Variants in IGF2BP3 observed in about 807,000 individuals in gnomAD.
The protein encoded by IGF2BP3 is insulin-like growth factor 2 mRNA-binding protein 3.
Under a neutral mutation model 73.8 loss-of-function variants are expected in IGF2BP3, and 9 were observed. The observed-to-expected ratio is 0.12, with a 90% CI of 0.07 to 0.21. The LOEUF (loss-of-function observed/expected upper bound fraction) is 0.21, where lower values mean the gene tolerates loss of function less well. IGF2BP3 is among the 10% of genes least tolerant of loss of function. IGF2BP3 has a pLI of 1.00. For missense variants in IGF2BP3, 542 were observed against 714.0 expected, an observed-to-expected ratio of 0.76 and a Z score of 2.75; for synonymous variants, 258 against 256.7, an observed-to-expected ratio of 1.01 and a Z score of -0.05.
chr7:23,393,911 C>T (rs1415849042), intron 3 of IGF2BP3, among the ~76,000 whole-genome samples: 1 of 152,138 alleles, frequency 6.6e-6, no homozygotes, highest in Non-Finnish European at 1.5e-5. Context: ...CAGCAGTGAC[C>T]TTCACCAATG....
At chr7:23,332,437 T>C (rs1005936312) in intron 10 of IGF2BP3, among the ~76,000 whole-genome samples, 6 of 152,234 alleles carry the variant, frequency 3.9e-5, no homozygotes, top group Non-Finnish European at 7.3e-5. Flanking sequence ...AGTATTAATA[T>C]AGCTGTTAGC....
rs535594089 is a variant in IGF2BP3, at chr7:23,319,913, C to T, written c.1204-659G>A. ...CTTATTCCTTCCATCTGTGCCTTCC[C>T]TTTGCTTTTTTTTTGAGATGGAATC... On this transcript the variant is annotated intron_variant, in intron 10 of 14. Coordinates refer to ENST00000258729, the MANE Select transcript of IGF2BP3 (RefSeq NM_006547.3). Among the ~76,000 whole-genome samples, 12 of 151,524 alleles carry T rather than the reference C, an allele frequency of 7.9e-5. No homozygotes were observed. In the East Asian group the frequency reaches 2.1e-3, roughly 27 times the overall value.
chr7:23,466,088 G>A lies in IGF2BP3; in HGVS notation c.236+2394C>T, dbSNP rs11974809. Among the ~76,000 whole-genome samples the A allele has an allele frequency of 6.1e-3, 915 of 150,956 alleles. 13 individuals are homozygous for A. The highest frequency in any genetic ancestry group is 0.021 in the African/African-American group (874 of 41,124). ...TCAGGCTGGAGTGAAGTGGCACGATGGCTCACTGCAACCTCCAGCTCCCCA... is the reference window on the plus strand; with the variant it reads ...TCAGGCTGGAGTGAAGTGGCACGATAGCTCACTGCAACCTCCAGCTCCCCA... On this transcript the variant is annotated intron_variant, in intron 2 of 14. Coordinates refer to ENST00000258729, the MANE Select transcript of IGF2BP3 (RefSeq NM_006547.3).
In IGF2BP3 at chr7:23,365,830, G is replaced by C. The variant is rs570834942; in HGVS notation, c.286-4089C>G. On this transcript the variant is annotated intron_variant, in intron 3 of 14. Coordinates refer to ENST00000258729, the MANE Select transcript of IGF2BP3 (RefSeq NM_006547.3). ...AAAGTTGTCTGGGCCAAAGGAATAA[G>C]GAACGTCCTATACCACAATCTGTGA... 1.3e-5 allele frequency: 2 copies of C among 152,676 alleles called. 1 individual carries two copies. The highest frequency in any genetic ancestry group is 3.8e-4 in the East Asian group (2 of 5,218). The allele number at this position is 152,676 out of a possible 1,614,324, so 9.5% of individuals were successfully genotyped here.
intron 12 of IGF2BP3, among the ~76,000 whole-genome samples, 159 bp downstream of exon 12, chr7:23,317,480 A>G (rs1784022769): frequency 6.6e-6 from 1 of 152,236 alleles, no homozygotes; most frequent in Non-Finnish European, 1.5e-5. Context: ...CTTTTGGTTA[A>G]TTTCGAAATA....
intron 9 of IGF2BP3, 25 bp downstream of exon 9, chr7:23,343,680 TGTTAAAATAAAGA>T (rs760909353): frequency 6.5e-7 from 1 of 1,547,576 alleles, no homozygotes; most frequent in Non-Finnish European, 8.9e-7. Flanking sequence ...TTTAACTATT[TGTTAAAATAAAGA>T]CATGCCCTTC....
intron 3 of IGF2BP3, among the ~76,000 whole-genome samples, chr7:23,403,962 C>T (rs925635598): frequency 1.4e-5 from 2 of 142,480 alleles, no homozygotes; most frequent in Non-Finnish European, 3.1e-5. Flanking sequence ...GTTTGTAAAA[C>T]AAAAAAAAAA....
intron 5 of IGF2BP3, among the ~76,000 whole-genome samples, chr7:23,353,638 T>C (rs1043535686): frequency 6.6e-6 from 1 of 152,230 alleles, no homozygotes; most frequent in East Asian, 1.9e-4. Context: ...AAAAGCATAA[T>C]TGGGGTTGTG....
rs1029121135 is a variant in IGF2BP3 at position 23,351,580 on chromosome 7, T to C, written c.408A>G (p.Leu136=). ...YSSKDQARQA[L]DKLNGFQLEN... is the part of the protein sequence containing the mutation. ...CTAACTGAAATCCATTCAGTTTGTC[T>C]AGTGCTCTGAAAGTTGAAAAGGGGC... is the stretch of plus-strand genomic sequence containing the variant. Residue 136 remains leucine (L), a synonymous_variant, in exon 6 of 15, where the codon CTA becomes CTG. Coordinates refer to ENST00000258729, the MANE Select transcript of IGF2BP3 (RefSeq NM_006547.3). 6.2e-7 allele frequency: 1 copy of C among 1,613,996 alleles called. No individual in the cohort carries two copies. The highest frequency in any genetic ancestry group is 1.1e-5 in the South Asian group (1 of 91,074).
At chr7:23,376,432 G>C (rs1361011176) in intron 3 of IGF2BP3, among the ~76,000 whole-genome samples, 1 of 151,676 alleles carries the variant, frequency 6.6e-6, no homozygotes, top group Non-Finnish European at 1.5e-5. Context: ...CTACTCGGGT[G>C]GCTGAGGCAG....
intron 10 of IGF2BP3, among the ~76,000 whole-genome samples, chr7:23,338,192 GT>G (rs1377990290): frequency 1.3e-5 from 2 of 151,760 alleles, no homozygotes; most frequent in East Asian, 1.9e-4. Context: ...AAAGAGGTGA[GT>G]TTTTTTTCAC....
rs115961873 is a variant in IGF2BP3 at position 23,396,018 on chromosome 7, C to G, written c.285+22758G>C. 8.4e-3 allele frequency among the ~76,000 whole-genome samples: 1,252 copies of G among 148,870 alleles called. 17 individuals carry two copies. The highest frequency in any genetic ancestry group is 0.029 in the African/African-American group (1,178 of 40,548). ...TCTTATACCCATCCCCCTACCCCAC[C>G]CCTACACAAAAAAATCCAGTGAGTT... On this transcript the variant is annotated intron_variant, in intron 3 of 14. Transcript: ENST00000258729.
At position 23,313,445 on chromosome 7, in the gene IGF2BP3, C is replaced by A. The variant is rs896835420; in HGVS notation, c.1527+77G>T. On this transcript the variant is annotated intron_variant, in intron 13 of 14. Coordinates refer to ENST00000258729, the MANE Select transcript of IGF2BP3 (RefSeq NM_006547.3). ...TGCTTTTTATAAATTAGCCAAAATTCGGGGACTTGGAACTCCTAAGTACCT... is the reference window on the plus strand; with the variant it reads ...TGCTTTTTATAAATTAGCCAAAATTAGGGGACTTGGAACTCCTAAGTACCT... 4.0e-6 allele frequency: 6 copies of A among 1,494,900 alleles called. No homozygotes were observed. In the Admixed American group the frequency reaches 8.7e-5, roughly 22 times the overall value. 92.6% of individuals were successfully genotyped at this position (1,494,900 alleles called of 1,614,324 possible).
chr7:23,440,196 G>A (rs1016458272), intron 2 of IGF2BP3, among the ~76,000 whole-genome samples: 8 of 152,132 alleles, frequency 5.3e-5, no homozygotes, highest in Non-Finnish European at 1.0e-4. Flanking sequence ...CCAGGAGGCA[G>A]AGGTTGCAGT....
Position 23,361,730 on chromosome 7 carries a change from A to G in IGF2BP3, c.297T>C (p.Ser99=). 6.2e-7 allele frequency: 1 copy of G among 1,611,224 alleles called. No homozygotes were observed. Residue 99 remains serine, a synonymous_variant, in exon 4 of 15, where the codon AGT becomes AGC. Coordinates refer to ENST00000258729, the MANE Select transcript of IGF2BP3 (RefSeq NM_006547.3). ...PPHLQWEVLD[S]LLVQYGVVES... is the part of the protein sequence containing the mutation. ...CCACCACTCCATACTGGACTAGTAA[A>G]CTATCCAGCACCTATCAGGAGGGGG...
At chr7:23,419,333 A>G (rs1486234026) in intron 2 of IGF2BP3, among the ~76,000 whole-genome samples, 5 of 152,248 alleles carry the variant, frequency 3.3e-5, no homozygotes, top group Non-Finnish European at 7.3e-5. Flanking sequence ...TAAACCACAG[A>G]ATTACAGTAC....
chr7:23,413,906 A>G (rs1787107867), intron 3 of IGF2BP3: 1 of 152,268 alleles, frequency 6.6e-6, no homozygotes, highest in East Asian at 1.9e-4. Flanking sequence ...TAATCCCAGC[A>G]CTGTGGGAGG....
chr7:23,363,439 G>C (rs916155321), intron 3 of IGF2BP3, among the ~76,000 whole-genome samples: 7 of 151,988 alleles, frequency 4.6e-5, no homozygotes, highest in Non-Finnish European at 8.8e-5. Flanking sequence ...AGAGATGAGG[G>C]TCTCGGTATG....
At chr7:23,466,253 C>T (rs979284079) in intron 2 of IGF2BP3, among the ~76,000 whole-genome samples, 5 of 152,118 alleles carry the variant, frequency 3.3e-5, no homozygotes, top group Non-Finnish European at 7.4e-5. Context: ...GAACTCCTGA[C>T]CTCAGGCGAT....
Sources: allele counts gnomAD v4.1 joint callset (sites outside exome capture counted in the v4.1 genomes callset), GRCh38; gene constraint gnomAD v4.1.1; transcripts MANE v1.5; gene names NCBI Gene and HGNC (gene_info 2026-07-23, HGNC 2026-07-21).